The following SLC25A21 variants were observed in gnomAD, a reference collection of about 807,000 sequenced individuals.
The protein encoded by SLC25A21 is mitochondrial 2-oxodicarboxylate carrier.
SLC25A21 carries 47 observed loss-of-function variants against 43.8 expected under a neutral mutation model. The observed-to-expected ratio is 1.07, with a 90% CI of 0.85 to 1.37. SLC25A21 has a LOEUF of 1.37. Ranked by LOEUF, SLC25A21 falls within the 40% of genes most tolerant of loss-of-function variation. SLC25A21 has a pLI of 0.00. For synonymous variants in SLC25A21, 131 were observed against 121.3 expected (o/e 1.08, Z -0.52); for missense variants, 352 against 350.2 (o/e 1.00, Z -0.04).
chr14:36,984,336 AG>A (rs1960097564), intron 1 of SLC25A21, among the ~76,000 whole-genome samples: 1 of 152,164 alleles, frequency 6.6e-6, no homozygotes. Context: ...ACAAAGACTA[AG>A]GGGAAGTATG....
At position 36,863,053 on chromosome 14, in the gene SLC25A21, C is replaced by T. The variant is rs1890117775; in HGVS notation, c.119+11903G>A. Among the ~76,000 whole-genome samples the T allele has an allele frequency of 2.6e-5, 4 of 152,256 alleles. No homozygotes were observed. The South Asian group carries it at 8.3e-4, about 32-fold the overall frequency. ...GGACTAGGGGGAGGAATGAAGGAAA[C>T]AGTCATCATGCTGATGCTCATTTTA... On this transcript the variant is annotated intron_variant, in intron 2 of 9. Transcript: ENST00000331299.
chr14:36,774,523 T>C (rs914302654), intron 3 of SLC25A21, among the ~76,000 whole-genome samples: 2 of 152,214 alleles, frequency 1.3e-5, no homozygotes, highest in Non-Finnish European at 2.9e-5. Context: ...AATTCTAAGA[T>C]GAACAGAAGG....
chr14:36,807,646 A>C (rs139660929), intron 3 of SLC25A21, among the ~76,000 whole-genome samples: 1 of 152,302 alleles, frequency 6.6e-6, no homozygotes, highest in African/African-American at 2.4e-5. Flanking sequence ...CCACCCAGCC[A>C]TGTTAGACTA....
At chr14:36,779,254 A>G (rs1886946314) in intron 3 of SLC25A21, among the ~76,000 whole-genome samples, 1 of 146,462 alleles carries the variant, frequency 6.8e-6, no homozygotes, top group African/African-American at 2.5e-5. Context: ...AATATAATAT[A>G]TAATATATAA....
intron 5 of SLC25A21, among the ~76,000 whole-genome samples, chr14:36,728,625 G>T (rs1371660166): frequency 6.6e-6 from 1 of 152,126 alleles, no homozygotes; most frequent in African/African-American, 2.4e-5. Context: ...TTCCTAACAG[G>T]ATTTTTCCTA....
At chr14:36,810,486 ATAAAGGTT>A (rs1164788054) in intron 3 of SLC25A21, among the ~76,000 whole-genome samples, 1 of 152,156 alleles carries the variant, frequency 6.6e-6, no homozygotes, top group African/African-American at 2.4e-5. Context: ...TTGTCATAAT[ATAAAGGTT>A]TATATTATCA....
chr14:36,680,342 T>C lies in SLC25A21; in HGVS notation c.*316A>G, dbSNP rs114665279. Reference sequence around the variant, plus strand: ...TACAATGAATTTTCATTGTGAAGCATTGAAGAGGAACACAGGAGACAAAGT... The same window carrying C: ...TACAATGAATTTTCATTGTGAAGCACTGAAGAGGAACACAGGAGACAAAGT... On this transcript the variant is annotated 3_prime_UTR_variant, in exon 10 of 10. Coordinates refer to ENST00000331299, the MANE Select transcript of SLC25A21 (RefSeq NM_030631.4). 1,806 of 1,016,216 alleles carry C rather than the reference T, an allele frequency of 1.8e-3. 20 individuals are homozygous for C. The African/African-American group carries it at 0.023, about 13-fold the overall frequency. 62.9% of individuals were successfully genotyped at this position (1,016,216 alleles called of 1,614,324 possible).
intron 1 of SLC25A21, among the ~76,000 whole-genome samples, chr14:37,143,988 T>C (rs1158320653): frequency 6.6e-6 from 1 of 152,186 alleles, no homozygotes; most frequent in African/African-American, 2.4e-5. Flanking sequence ...TCAGCAGTTA[T>C]TGACAAGAGT....
At chr14:36,840,054 A>G (rs549838811) in intron 2 of SLC25A21, among the ~76,000 whole-genome samples, 49 of 152,232 alleles carry the variant, frequency 3.2e-4, no homozygotes, top group South Asian at 2.3e-3. Context: ...GAAAGAGATG[A>G]CTCAAGCCCT....
At chr14:36,782,798 G>C (rs905974904) in intron 3 of SLC25A21, among the ~76,000 whole-genome samples, 2 of 141,384 alleles carry the variant, frequency 1.4e-5, no homozygotes, top group Non-Finnish European at 3.0e-5. Context: ...TCTGGGGACT[G>C]TGGTGGGGTT....
intron 6 of SLC25A21, among the ~76,000 whole-genome samples, chr14:36,717,323 GTTTGT>G (rs1473006128): frequency 3.9e-5 from 6 of 152,148 alleles, no homozygotes; most frequent in Admixed American, 3.3e-4. Flanking sequence ...CATCATTACA[GTTTGT>G]TTTAATAGGG....
At position 36,684,867 on chromosome 14, in the gene SLC25A21, G is replaced by C; in HGVS notation, c.662C>G (p.Ala221Gly). The C allele has an allele frequency of 6.2e-7, 1 of 1,613,868 alleles. No individual in the cohort carries two copies. Among genetic ancestry groups the C allele is most frequent in the Non-Finnish European group, 8.5e-7 (1 of 1,179,910 alleles). ...FGIGLLSGTI[A>G]SVINIPFDVA... ...ATCAAAAGGGATGTTAATGACTGAG[G>C]CTATTGTCCCCGAGAGAAGACCAAT... Residue 221 changes from alanine to glycine, a missense_variant, in exon 8 of 10, where the codon GCC becomes GGC. By Grantham distance (60) the Ala-to-Gly change is moderately conservative. Coordinates refer to ENST00000331299, the MANE Select transcript of SLC25A21 (RefSeq NM_030631.4).
chr14:37,018,738 C>T (rs1400397828), intron 1 of SLC25A21, among the ~76,000 whole-genome samples: 2 of 151,992 alleles, frequency 1.3e-5, no homozygotes, highest in African/African-American at 4.8e-5. Context: ...TCCCTTCATG[C>T]ACTCTAAGTG....
intron 2 of SLC25A21, among the ~76,000 whole-genome samples, chr14:36,860,553 C>A (rs988167800): frequency 6.6e-6 from 1 of 152,134 alleles, no homozygotes; most frequent in Non-Finnish European, 1.5e-5. Flanking sequence ...TAATTACACT[C>A]CCCCTGGACA....
intron 6 of SLC25A21, among the ~76,000 whole-genome samples, chr14:36,722,742 C>A (rs1884426366): frequency 6.6e-6 from 1 of 152,146 alleles, no homozygotes; most frequent in South Asian, 2.1e-4. Flanking sequence ...GAGTCTAGAT[C>A]ATTTTTAGTG....
At chr14:37,034,942 T>A (rs1961296878) in intron 1 of SLC25A21, among the ~76,000 whole-genome samples, 1 of 152,178 alleles carries the variant, frequency 6.6e-6, no homozygotes, top group African/African-American at 2.4e-5. Flanking sequence ...CCAGGCCCAA[T>A]CATAACTAGC....
At chr14:36,743,233 T>C (rs1885348269) in intron 3 of SLC25A21, among the ~76,000 whole-genome samples, 2 of 152,254 alleles carry the variant, frequency 1.3e-5, no homozygotes, top group South Asian at 2.1e-4. Flanking sequence ...TGAATAGTAT[T>C]GGTAAAATGT....
At chr14:36,838,815 C>T (rs551159596) in intron 2 of SLC25A21, among the ~76,000 whole-genome samples, 4 of 152,140 alleles carry the variant, frequency 2.6e-5, no homozygotes, top group East Asian at 1.9e-4. Context: ...TCTTAGTAGT[C>T]GCCAGTAGAA....
chr14:37,026,824 G>C (rs1348986079), intron 1 of SLC25A21, among the ~76,000 whole-genome samples: 1 of 152,128 alleles, frequency 6.6e-6, no homozygotes, highest in Non-Finnish European at 1.5e-5. Flanking sequence ...ATGTCAAAGA[G>C]ATTGTTATTT....
Sources: gnomAD v4.1 joint callset for allele counts (sites outside exome capture counted in the v4.1 genomes callset) on GRCh38, gnomAD v4.1.1 for gene constraint, MANE v1.5 for transcripts, NCBI Gene and HGNC (gene_info 2026-07-23, HGNC 2026-07-21) for gene names.